ZC3HAV1: variants seen among roughly 807,000 people sequenced by gnomAD.
ZC3HAV1 encodes the protein zinc finger CCCH-type antiviral protein 1.
ZC3HAV1 carries 41 observed loss-of-function variants against 86.6 expected under a neutral mutation model. The observed-to-expected ratio is 0.47, with a 90% confidence interval of 0.37 to 0.61. The LOEUF is 0.61. Among genes scored for constraint, ZC3HAV1 ranks in the 20% least tolerant of loss-of-function variants. The probability of loss-of-function intolerance (pLI) is 0.00; values close to 1 mark genes in which losing one functional copy is unlikely to be tolerated. For missense variants in ZC3HAV1, 964 were observed against 1,141.1 expected (o/e 0.84, Z 2.24); for synonymous variants, 421 against 432.1 (o/e 0.97, Z 0.32).
Position 139,089,551 on chromosome 7 carries a change from C to T in ZC3HAV1, c.444+73G>A, listed in dbSNP as rs895707722. The T allele has an allele frequency of 6.1e-6, 9 of 1,484,622 alleles. No individual in the cohort carries two copies. In the African/African-American group the frequency reaches 1.3e-4, roughly 21 times the overall value. The allele number at this position is 1,484,622 out of a possible 1,614,324, so 92.0% of individuals were successfully genotyped here. On this transcript the variant is annotated intron_variant, in intron 2 of 12. Transcript: ENST00000242351. ...CATTAATTTTGAATTTTCTCTGCTC[C>T]TACTCCAAAATATCTGTGACACAAT... is the stretch of plus-strand genomic sequence containing the variant.
intron 8 of ZC3HAV1, among the ~76,000 whole-genome samples, chr7:139,064,302 G>A (rs1228116629): frequency 2.0e-5 from 3 of 152,372 alleles, no homozygotes; most frequent in South Asian, 2.1e-4. Context: ...CCTTCAGAAG[G>A]AGGGCAGTTC....
chr7:139,053,918 A>C, intron 11 of ZC3HAV1, 47 bp downstream of exon 11: 1 of 1,585,474 alleles, frequency 6.3e-7, no homozygotes, highest in Non-Finnish European at 8.5e-7. Flanking sequence ...ATATTAACTA[A>C]TCCTTTCCGG....
intron 7 of ZC3HAV1, among the ~76,000 whole-genome samples, chr7:139,067,003 C>G (rs1816624736): frequency 6.6e-6 from 1 of 152,184 alleles, no homozygotes; most frequent in African/African-American, 2.4e-5. Flanking sequence ...GAGGCTGATG[C>G]TGCTGGTCTG....
Position 139,108,956 on chromosome 7 carries a change from A to G in ZC3HAV1, c.308+68T>C, listed in dbSNP as rs1324843970. On this transcript the variant is annotated intron_variant, in intron 1 of 12. Transcript: ENST00000242351. The surrounding 1 kb of genome is among the most constrained non-coding windows in gnomAD (Gnocchi z 4.2). ...GGCGAAGCCGTGCCCCTCCCAGAAC[A>G]TTGCCCGCCTGGACAGTCCACCCCG... 6 of 1,470,946 alleles carry G rather than the reference A, an allele frequency of 4.1e-6. No homozygotes were observed. The highest frequency in any genetic ancestry group is 2.3e-5 in the Admixed American group (1 of 43,020). 91.1% of individuals were successfully genotyped at this position (1,470,946 alleles called of 1,614,324 possible).
intron 2 of ZC3HAV1, among the ~76,000 whole-genome samples, chr7:139,088,399 A>G (rs1046007322): frequency 2.0e-5 from 3 of 152,204 alleles, no homozygotes; most frequent in Non-Finnish European, 2.9e-5. Context: ...GGTCAATGTG[A>G]TTGAGCAGAT....
At chr7:139,089,883 G>T in intron 1 of ZC3HAV1, 124 bp from the exon 2 acceptor site, 2 of 1,046,826 alleles carry the variant, frequency 1.9e-6, no homozygotes, top group Non-Finnish European at 1.3e-6. Context: ...GACACAGGTT[G>T]GTTCTGCTTA....
Position 139,109,117 on chromosome 7 carries a change from A to T in ZC3HAV1, c.215T>A (p.Val72Asp). ...TCTCTGGCAGTACTTGCGACGGCAG[A>T]CCCGGGCTCGAGTGGTGGCCACCAC... ...RSVVATTRAR[V>D]CRRKYCQRPC... The change falls in exon 1 of 13, where the codon GTC becomes GAC. Residue 72 changes from valine to aspartate, a missense_variant. Transcript: ENST00000242351. The T allele has an allele frequency of 3.1e-6, 5 of 1,592,038 alleles. No individual in the cohort carries two copies. Among genetic ancestry groups the T allele is most frequent in the Non-Finnish European group, 4.3e-6 (5 of 1,169,114 alleles).
chr7:139,059,094 G>C (rs1816373714), intron 9 of ZC3HAV1, among the ~76,000 whole-genome samples: 1 of 152,138 alleles, frequency 6.6e-6, no homozygotes, highest in Non-Finnish European at 1.5e-5. Flanking sequence ...CGATTGTAAC[G>C]ATTGTAACGA....
At chr7:139,087,465 G>A (rs1490432077) in intron 2 of ZC3HAV1, among the ~76,000 whole-genome samples, 2 of 151,232 alleles carry the variant, frequency 1.3e-5, no homozygotes, top group Non-Finnish European at 3.0e-5. Flanking sequence ...GAGAGAGAGA[G>A]GGAGACAGAG....
chr7:139,084,455 T>C (rs1817220672), intron 2 of ZC3HAV1, among the ~76,000 whole-genome samples: 1 of 152,264 alleles, frequency 6.6e-6, no homozygotes, highest in Non-Finnish European at 1.5e-5. Flanking sequence ...ATGACATTTC[T>C]CAAAAGATTG....
intron 7 of ZC3HAV1, among the ~76,000 whole-genome samples, chr7:139,071,068 CT>C (rs1816758554): frequency 6.8e-6 from 1 of 147,648 alleles, no homozygotes; most frequent in African/African-American, 2.5e-5. Flanking sequence ...AATACAGTAT[CT>C]TTCCCCCAAA....
intron 3 of ZC3HAV1, among the ~76,000 whole-genome samples, chr7:139,081,463 T>C (rs965770391): frequency 1.2e-4 from 18 of 152,302 alleles, no homozygotes; most frequent in African/African-American, 3.8e-4. Flanking sequence ...TAAGTTTACA[T>C]TGAGAAGCTA....
At chr7:139,051,535 T>C (rs184117116) in intron 12 of ZC3HAV1, among the ~76,000 whole-genome samples, 1,821 of 151,710 alleles carry the variant, frequency 0.012, 12 homozygotes, top group Middle Eastern at 0.017. Context: ...CCCTGCTGAG[T>C]AGATGGGACT....
chr7:139,060,609 G>C (rs894814489), intron 9 of ZC3HAV1: 2 of 1,049,276 alleles, frequency 1.9e-6, no homozygotes, highest in African/African-American at 3.5e-5. Flanking sequence ...GGGAGACTGA[G>C]GTAGGAGGAT....
At chr7:139,093,470 G>A (rs989969492) in intron 1 of ZC3HAV1, among the ~76,000 whole-genome samples, 6 of 152,166 alleles carry the variant, frequency 3.9e-5, no homozygotes, top group South Asian at 2.1e-4. Flanking sequence ...TGACCTGCAC[G>A]TATACATCCA....
chr7:139,056,127 C>T (rs1261141172), intron 9 of ZC3HAV1, among the ~76,000 whole-genome samples: 1 of 152,138 alleles, frequency 6.6e-6, no homozygotes, highest in African/African-American at 2.4e-5. Context: ...AGAAATTACA[C>T]ATCAAATGAC....
intron 1 of ZC3HAV1, among the ~76,000 whole-genome samples, chr7:139,100,044 A>G (rs568253277): frequency 8.3e-4 from 126 of 152,198 alleles, no homozygotes; most frequent in African/African-American, 3.0e-3. Context: ...ATAAATAAAA[A>G]TAGTTTTAGC....
Position 139,046,623 on chromosome 7 carries a change from G to A in ZC3HAV1, c.*971C>T, listed in dbSNP as rs1815960594. ...CATTCCAGAGAGAGTCAACCTGGAT[G>A]GAGTTTGTCCCCTAAATAAATGTAG... is the stretch of plus-strand genomic sequence containing the variant. On this transcript the variant is annotated 3_prime_UTR_variant, in exon 13 of 13. Transcript: ENST00000242351. 1 of 152,208 alleles carries A rather than the reference G, an allele frequency of 6.6e-6. No individual in the cohort carries two copies. Among genetic ancestry groups the A allele is most frequent in the Non-Finnish European group, 1.5e-5 (1 of 68,046 alleles). The allele number at this position is 152,208 out of a possible 1,614,324, so 9.4% of individuals were successfully genotyped here. A position where few individuals can be genotyped will look rare whatever the true frequency, so the allele number is the denominator to read the frequency against.
At chr7:139,067,657 T>C (rs938456516) in intron 7 of ZC3HAV1, among the ~76,000 whole-genome samples, 1 of 152,186 alleles carries the variant, frequency 6.6e-6, no homozygotes, top group African/African-American at 2.4e-5. Context: ...CTGACTTTAC[T>C]ACTAGGTAAT....
Sources: gnomAD v4.1 joint callset for allele counts (sites outside exome capture counted in the v4.1 genomes callset) on GRCh38, gnomAD v4.1.1 for gene constraint, Gnocchi (gnomAD v3.1) non-coding constraint, MANE v1.5 for transcripts, NCBI Gene and HGNC (gene_info 2026-07-23, HGNC 2026-07-21) for gene names.